The following TSHZ2 variants were observed in gnomAD, a reference collection of about 807,000 sequenced individuals.
The protein encoded by TSHZ2 is teashirt homolog 2.
TSHZ2 carries 21 observed loss-of-function variants against 74.4 expected under a neutral mutation model. The ratio of observed to expected loss-of-function variants is 0.28; its 90% CI spans 0.20 to 0.41. The LOEUF (loss-of-function observed/expected upper bound fraction) is 0.41. TSHZ2 is among the 10% of genes least tolerant of loss of function. TSHZ2 has a pLI of 1.00. For missense variants in TSHZ2, 1,244 were observed against 1,293.5 expected (o/e 0.96, Z 0.59); for synonymous variants, 540 against 515.3 (o/e 1.05, Z -0.65).
At chr20:53,004,200 G>T (rs1246803187) in intron 1 of TSHZ2, among the ~76,000 whole-genome samples, 1 of 151,558 alleles carries the variant, frequency 6.6e-6, no homozygotes, top group Non-Finnish European at 1.5e-5. Context: ...AATATTTAAG[G>T]GTTTCTGGAT....
intron 2 of TSHZ2, among the ~76,000 whole-genome samples, chr20:53,458,813 G>A (rs1400930916): frequency 3.3e-5 from 5 of 151,826 alleles, no homozygotes; most frequent in South Asian, 4.2e-4. Context: ...CCTTCATTTC[G>A]TTATGTACCC....
intron 2 of TSHZ2, among the ~76,000 whole-genome samples, chr20:53,381,341 T>A (rs1454510200): frequency 6.6e-6 from 1 of 152,210 alleles, no homozygotes; most frequent in Non-Finnish European, 1.5e-5. Context: ...TGCTTGCCAG[T>A]AAATGTCTAC....
chr20:53,476,006 G>C (rs1600669727), intron 2 of TSHZ2, among the ~76,000 whole-genome samples: 1 of 132,216 alleles, frequency 7.6e-6, no homozygotes, highest in East Asian at 2.4e-4. Flanking sequence ...CTGAAATTGT[G>C]GCAATAATCA....
intron 2 of TSHZ2, among the ~76,000 whole-genome samples, chr20:53,328,180 G>A (rs981538597): frequency 2.6e-5 from 4 of 152,176 alleles, no homozygotes; most frequent in Non-Finnish European, 4.4e-5. Flanking sequence ...TGTGTGCCGA[G>A]ATTGCTAAAT....
At chr20:53,324,498 C>G (rs1452588567) in intron 2 of TSHZ2, among the ~76,000 whole-genome samples, 4 of 152,166 alleles carry the variant, frequency 2.6e-5, no homozygotes, top group Admixed American at 2.6e-4. Flanking sequence ...CCAACTCAGC[C>G]TCCCCAGTAG....
At chr20:53,073,228 C>T (rs548210779) in intron 1 of TSHZ2, among the ~76,000 whole-genome samples, 92 of 150,286 alleles carry the variant, frequency 6.1e-4, no homozygotes, top group African/African-American at 1.9e-3. Flanking sequence ...ATCCATTCAT[C>T]TGTCCCTCCA....
intron 1 of TSHZ2, among the ~76,000 whole-genome samples, chr20:53,042,214 C>T (rs1009477012): frequency 6.6e-6 from 1 of 152,224 alleles, no homozygotes; most frequent in African/African-American, 2.4e-5. Flanking sequence ...TAATTACAAT[C>T]TCCTTGGTGA....
At chr20:53,368,651 C>T (rs6063931) in intron 2 of TSHZ2, among the ~76,000 whole-genome samples, 23,045 of 152,024 alleles carry the variant, frequency 0.15, 2,293 homozygotes, top group South Asian at 0.34. Context: ...CCAAGGATGA[C>T]GCCATAAACT....
At chr20:53,060,128 C>A (rs907991594) in intron 1 of TSHZ2, among the ~76,000 whole-genome samples, 2 of 152,114 alleles carry the variant, frequency 1.3e-5, no homozygotes, top group Non-Finnish European at 2.9e-5. Context: ...GCAGTACACA[C>A]AAAACAGGTC....
rs115933500 is a variant in TSHZ2 at position 52,985,686 on chromosome 20, C to A, written c.40+12353C>A. 8.5e-3 allele frequency among the ~76,000 whole-genome samples: 1,297 copies of A among 152,164 alleles called. 11 individuals are homozygous for A. The highest frequency in any genetic ancestry group is 0.028 in the African/African-American group (1,169 of 41,502). ...GTGTCCACAAGACCTGGCACATAGA[C>A]GATGCTCAATAAATATTATTTGAAG... On this transcript the variant is annotated intron_variant, in intron 1 of 2. Transcript: ENST00000371497.
chr20:53,194,768 G>A (rs557218408), intron 1 of TSHZ2, among the ~76,000 whole-genome samples: 6 of 152,336 alleles, frequency 3.9e-5, no homozygotes, highest in East Asian at 1.9e-4. Flanking sequence ...AGAGAAACTC[G>A]CTCCCGGTGA....
At chr20:52,992,884 C>T (rs1324727904) in intron 1 of TSHZ2, among the ~76,000 whole-genome samples, 2 of 152,182 alleles carry the variant, frequency 1.3e-5, no homozygotes, top group African/African-American at 4.8e-5. Context: ...AGGAATAGAT[C>T]AAATAAATCA....
At chr20:53,372,736 A>C (rs1981522668) in intron 2 of TSHZ2, among the ~76,000 whole-genome samples, 1 of 152,170 alleles carries the variant, frequency 6.6e-6, no homozygotes, top group Non-Finnish European at 1.5e-5. Context: ...CAGCTGGAAA[A>C]TGTCTTAGTG....
chr20:53,046,229 A>G (rs1984224139), intron 1 of TSHZ2, among the ~76,000 whole-genome samples: 1 of 152,120 alleles, frequency 6.6e-6, no homozygotes, highest in South Asian at 2.1e-4. Context: ...AACCCATCCA[A>G]AGAACACTGA....
At chr20:53,048,535 G>A (rs1480922529) in intron 1 of TSHZ2, among the ~76,000 whole-genome samples, 1 of 152,140 alleles carries the variant, frequency 6.6e-6, no homozygotes, top group Non-Finnish European at 1.5e-5. Flanking sequence ...GATCAAGGGT[G>A]GAATGGAAAA....
chr20:53,219,964 G>C (rs1174466261), intron 1 of TSHZ2, among the ~76,000 whole-genome samples: 4 of 152,170 alleles, frequency 2.6e-5, no homozygotes, highest in Admixed American at 6.5e-5. Flanking sequence ...GATCTGTCAA[G>C]GGATACTCGA....
intron 1 of TSHZ2, among the ~76,000 whole-genome samples, chr20:53,044,522 A>G (rs1254838821): frequency 1.3e-5 from 2 of 152,194 alleles, no homozygotes. Flanking sequence ...AGCTACGGCC[A>G]TCAGCGTGTC....
intron 1 of TSHZ2, among the ~76,000 whole-genome samples, chr20:53,000,057 T>C (rs182850475): frequency 6.6e-6 from 1 of 152,218 alleles, no homozygotes; most frequent in Non-Finnish European, 1.5e-5. Flanking sequence ...TTCGCAGACG[T>C]CCAATGAGTC....
chr20:53,460,621 G>A (rs538473167), intron 2 of TSHZ2, among the ~76,000 whole-genome samples: 24 of 152,294 alleles, frequency 1.6e-4, no homozygotes, highest in East Asian at 1.2e-3. Flanking sequence ...GAGGAGAGGC[G>A]CTCTGCTTTT....
Sources: allele counts gnomAD v4.1 joint callset (sites outside exome capture counted in the v4.1 genomes callset), GRCh38; gene constraint gnomAD v4.1.1; transcripts MANE v1.5; gene names NCBI Gene and HGNC (gene_info 2026-07-23, HGNC 2026-07-21).